The following THSD7B variants were observed in gnomAD, a reference collection of about 807,000 sequenced individuals.
THSD7B encodes the protein thrombospondin type 1 domain containing 7B.
In THSD7B, 138 loss-of-function variants were observed where a neutral mutation model predicts 213.6. That is an observed-to-expected ratio of 0.65 (90% CI 0.56 to 0.74). The LOEUF is 0.74. Among genes scored for constraint, THSD7B ranks in the 30% least tolerant of loss-of-function variants. The probability of loss-of-function intolerance (pLI) is 0.00; values close to 1 mark genes in which losing one functional copy is unlikely to be tolerated. For synonymous variants in THSD7B, 742 were observed against 687.0 expected (o/e 1.08, Z -1.25); for missense variants, 1,931 against 1,991.5 (o/e 0.97, Z 0.58).
intron 12 of THSD7B, among the ~76,000 whole-genome samples, chr2:137,359,431 G>A (rs1685204553): frequency 6.6e-6 from 1 of 152,192 alleles, no homozygotes; most frequent in African/African-American, 2.4e-5. Context: ...AGACATCAGA[G>A]TAGAGGAAGA....
chr2:137,601,612 TC>T (rs1682077248), intron 17 of THSD7B, among the ~76,000 whole-genome samples: 1 of 152,152 alleles, frequency 6.6e-6, no homozygotes, highest in Non-Finnish European at 1.5e-5. Flanking sequence ...TCAGAACATA[TC>T]CCCGTCATTA....
chr2:137,254,243 G>A (rs1405376360), intron 10 of THSD7B, among the ~76,000 whole-genome samples: 1 of 152,166 alleles, frequency 6.6e-6, no homozygotes, highest in Non-Finnish European at 1.5e-5. Flanking sequence ...CCAAAAATAA[G>A]TATGCTAGGA....
At chr2:136,912,352 G>C (rs967422356) in intron 2 of THSD7B, among the ~76,000 whole-genome samples, 1 of 146,636 alleles carries the variant, frequency 6.8e-6, no homozygotes, top group Non-Finnish European at 1.5e-5. Context: ...AAAAAAAGGA[G>C]AGAGGAACTT....
intron 27 of THSD7B, among the ~76,000 whole-genome samples, chr2:137,673,782 T>TAATA (rs1406483693): frequency 6.6e-6 from 1 of 152,112 alleles, no homozygotes; most frequent in African/African-American, 2.4e-5. Flanking sequence ...GTCCAGAGAT[T>TAATA]AATATTTGAG....
chr2:137,664,573 T>C (rs929847866), intron 26 of THSD7B, among the ~76,000 whole-genome samples: 3 of 152,216 alleles, frequency 2.0e-5, no homozygotes, highest in Non-Finnish European at 4.4e-5. Flanking sequence ...GCTGGCTGGT[T>C]GTACAGCATG....
intron 2 of THSD7B, among the ~76,000 whole-genome samples, chr2:136,927,645 G>A (rs1427286901): frequency 3.3e-5 from 5 of 152,200 alleles, no homozygotes; most frequent in Non-Finnish European, 4.4e-5. Flanking sequence ...TCTGAGAACA[G>A]TTGGCTTGAA....
chr2:137,079,265 A>G (rs756919305), intron 3 of THSD7B, among the ~76,000 whole-genome samples: 4 of 152,094 alleles, frequency 2.6e-5, no homozygotes, highest in Admixed American at 6.6e-5. Flanking sequence ...TATATTTTTT[A>G]GTTTTTTTAT....
intron 12 of THSD7B, among the ~76,000 whole-genome samples, chr2:137,286,098 A>T (rs1684354388): frequency 7.7e-6 from 1 of 130,286 alleles, no homozygotes. Flanking sequence ...GACTCTGTCT[A>T]AAAAAAAAAA....
At chr2:137,029,632 A>G (rs938301110) in intron 2 of THSD7B, among the ~76,000 whole-genome samples, 1 of 152,170 alleles carries the variant, frequency 6.6e-6, no homozygotes, top group Non-Finnish European at 1.5e-5. Flanking sequence ...CAAAAGTAGA[A>G]TATCCCAATA....
Position 136,861,453 on chromosome 2 carries a change from A to C in THSD7B, c.-35-20691A>C, listed in dbSNP as rs569382919. Among the ~76,000 whole-genome samples, 4 of 152,348 alleles carry C rather than the reference A, an allele frequency of 2.6e-5. No individual in the cohort carries two copies. The South Asian group carries it at 6.2e-4, about 24-fold the overall frequency. On this transcript the variant is annotated intron_variant, in intron 1 of 27. Transcript: ENST00000409968. The stretch of plus-strand genomic sequence containing the variant: ...ACAACTCCACAATAAACATGTAGTT[A>C]GGTATTATATTCTCATTCTACATGG...
chr2:137,059,206 A>G (rs765618351), intron 3 of THSD7B, among the ~76,000 whole-genome samples: 1 of 152,078 alleles, frequency 6.6e-6, no homozygotes, highest in Non-Finnish European at 1.5e-5. Flanking sequence ...GTCTCTTCTT[A>G]TAAGGTCACC....
chr2:136,961,896 G>A (rs1405202592), intron 2 of THSD7B, among the ~76,000 whole-genome samples: 1 of 152,200 alleles, frequency 6.6e-6, no homozygotes, highest in African/African-American at 2.4e-5. Context: ...GTGGTAGGAA[G>A]ACTAATGCCC....
At chr2:137,104,495 G>A (rs77992739) in intron 4 of THSD7B, among the ~76,000 whole-genome samples, 1 of 151,990 alleles carries the variant, frequency 6.6e-6, no homozygotes, top group South Asian at 2.1e-4. Flanking sequence ...ACAAGTAAAA[G>A]AACTAGAGAA....
intron 1 of THSD7B, among the ~76,000 whole-genome samples, chr2:136,859,280 T>A (rs1397420522): frequency 2.6e-5 from 4 of 152,176 alleles, no homozygotes; most frequent in Non-Finnish European, 5.9e-5. Context: ...GAACAAACAT[T>A]ACCAATTTTA....
chr2:137,493,396 A>G (rs568661696), intron 15 of THSD7B, among the ~76,000 whole-genome samples: 14 of 152,244 alleles, frequency 9.2e-5, no homozygotes, highest in African/African-American at 3.1e-4. Flanking sequence ...ACTTTATTAT[A>G]TGTAATCCAA....
At chr2:137,128,750 C>T (rs1487110434) in intron 5 of THSD7B, among the ~76,000 whole-genome samples, 2 of 152,200 alleles carry the variant, frequency 1.3e-5, no homozygotes, top group African/African-American at 4.8e-5. Context: ...CATGTACCTT[C>T]TCTACTAACT....
rs763724242 is a variant in THSD7B at position 137,618,415 on chromosome 2, G to A, written c.3589G>A (p.Glu1197Lys). Reference protein sequence around the residue: ...LTEWSTCQLSENAPCGQGVRT... With the variant: ...LTEWSTCQLSKNAPCGQGVRT... ...AGAGTGGAGCACATGCCAGCTGAGT[G>A]AAAACGCACCCTGTGGTCAAGGCGT... The change falls in exon 19 of 28, where the codon GAA (glutamate) becomes AAA (lysine). Residue 1197 changes from glutamate (E) to lysine (K), a missense_variant. By Grantham distance (56) the Glu-to-Lys change is moderately conservative. Coordinates refer to ENST00000409968, the MANE Select transcript of THSD7B (RefSeq NM_001316349.2). The A allele has an allele frequency of 6.2e-7, 1 of 1,613,710 alleles. No individual in the cohort carries two copies. The highest frequency in any genetic ancestry group is 1.3e-5 in the African/African-American group (1 of 74,926).
At chr2:137,013,960 A>C (rs1686286605) in intron 2 of THSD7B, among the ~76,000 whole-genome samples, 2 of 152,146 alleles carry the variant, frequency 1.3e-5, no homozygotes. Context: ...GCAGATATAA[A>C]ACAGGTGGAG....
At chr2:137,465,364 G>GT (rs1417846291) in intron 15 of THSD7B, among the ~76,000 whole-genome samples, 1 of 152,020 alleles carries the variant, frequency 6.6e-6, no homozygotes, top group African/African-American at 2.4e-5. Flanking sequence ...TAATCTACTA[G>GT]TTGCCAAACG....
Sources: gnomAD v4.1 joint callset for allele counts (sites outside exome capture counted in the v4.1 genomes callset) on GRCh38, gnomAD v4.1.1 for gene constraint, MANE v1.5 for transcripts, NCBI Gene and HGNC (gene_info 2026-07-23, HGNC 2026-07-21) for gene names.